Variants in MYH9 observed in about 807,000 individuals in gnomAD.
MYH9 encodes the protein myosin-9.
Under a neutral mutation model 241.9 loss-of-function variants are expected in MYH9, and 29 were observed. The observed-to-expected ratio is 0.12, with a 90% CI of 0.09 to 0.16. The LOEUF (loss-of-function observed/expected upper bound fraction) is 0.16, where lower values mean the gene tolerates loss of function less well. Among genes scored for constraint, MYH9 ranks in the 10% least tolerant of loss-of-function variants. MYH9 has a pLI of 1.00. For synonymous variants in MYH9, 1,047 were observed against 1,062.6 expected (o/e 0.99, Z 0.29); for missense variants, 1,803 against 2,595.5 (o/e 0.69, Z 6.63).
intron 1 of MYH9, among the ~76,000 whole-genome samples, chr22:36,357,397 T>G (rs534591990): frequency 6.6e-6 from 1 of 152,300 alleles, no homozygotes. Flanking sequence ...CACGGCACTA[T>G]GGCTATCTGG....
At chr22:36,309,980 T>C (rs1603483229) in intron 14 of MYH9, among the ~76,000 whole-genome samples, 1 of 152,196 alleles carries the variant, frequency 6.6e-6, no homozygotes, top group East Asian at 1.9e-4. Context: ...CTGGGTGCGG[T>C]GGCTCATGCC....
At chr22:36,373,651 C>T (rs182221755) in intron 1 of MYH9, among the ~76,000 whole-genome samples, 179 of 152,316 alleles carry the variant, frequency 1.2e-3, no homozygotes, top group Non-Finnish European at 1.8e-3. Context: ...CTGCGAGCCC[C>T]CTCCAGGACA....
At position 36,300,798 on chromosome 22, in the gene MYH9, G is replaced by A. The variant is rs547106009; in HGVS notation, c.2838+53C>T. On this transcript the variant is annotated intron_variant, in intron 22 of 40. Coordinates refer to ENST00000216181, the MANE Select transcript of MYH9 (RefSeq NM_002473.6). This position sits in a 1 kb window ranked among gnomAD's most constrained non-coding sequence, Gnocchi z 5.0. ...CCCAGCTCCTGGTTCCTGCTCCTCC[G>A]CCCCGCCCTGCCCCTCCGGCGCCAC... The A allele has an allele frequency of 1.5e-5, 24 of 1,588,566 alleles. No individual in the cohort carries two copies. Among genetic ancestry groups the A allele is most frequent in the Middle Eastern group, 3.6e-4 (2 of 5,544 alleles).
intron 3 of MYH9, 94 bp downstream of exon 3, chr22:36,341,276 A>G: frequency 1.3e-6 from 2 of 1,496,220 alleles, no homozygotes; most frequent in Non-Finnish European, 1.9e-6. Context: ...CACTAGATCA[A>G]TGTGGCACCA....
chr22:36,321,860 T>C (rs558561587), intron 6 of MYH9, 39 bp from the exon 7 acceptor site: 3 of 1,571,576 alleles, frequency 1.9e-6, no homozygotes, highest in African/African-American at 1.3e-5. Flanking sequence ...GAGGTGCCCC[T>C]GACATGGGGA....
intron 1 of MYH9, among the ~76,000 whole-genome samples, chr22:36,352,177 G>A (rs1449689401): frequency 6.6e-6 from 1 of 152,168 alleles, no homozygotes; most frequent in Non-Finnish European, 1.5e-5. Flanking sequence ...GGCCCTAACT[G>A]TCCCCACGAG....
intron 1 of MYH9, among the ~76,000 whole-genome samples, chr22:36,385,323 T>C (rs1417774559): frequency 2.0e-5 from 3 of 152,114 alleles, no homozygotes; most frequent in African/African-American, 7.2e-5. Flanking sequence ...AGTACTTTAT[T>C]GAAGAATTAG....
chr22:36,327,844 C>T (rs773903692), intron 3 of MYH9, among the ~76,000 whole-genome samples: 14 of 152,132 alleles, frequency 9.2e-5, no homozygotes, highest in African/African-American at 2.9e-4. Flanking sequence ...GTGTTTATAA[C>T]GGGGTGGGGG....
intron 32 of MYH9, 61 bp downstream of exon 32, chr22:36,289,024 C>A (rs550761492): frequency 1.9e-6 from 3 of 1,613,134 alleles, no homozygotes; most frequent in Middle Eastern, 1.6e-4. Flanking sequence ...CACACACCGA[C>A]CCTCTGTGAT....
chr22:36,366,672 A>T lies in MYH9; in HGVS notation c.-19-17417T>A, dbSNP rs1462623574. Among the ~76,000 whole-genome samples, 4 of 152,166 alleles carry T rather than the reference A, an allele frequency of 2.6e-5. No homozygotes were observed. The East Asian group carries it at 7.7e-4, about 29-fold the overall frequency. ...CCCACCTTCCTCAGCATCCAAGGTA[A>T]CAAGAGATCAAGTCTGGCATCAGAA... On this transcript the variant is annotated intron_variant, in intron 1 of 40. Coordinates refer to ENST00000216181, the MANE Select transcript of MYH9 (RefSeq NM_002473.6).
chr22:36,337,738 G>C (rs1408730176), intron 3 of MYH9, among the ~76,000 whole-genome samples: 3 of 152,184 alleles, frequency 2.0e-5, no homozygotes, highest in Non-Finnish European at 1.5e-5. Context: ...TCAAAGCCAG[G>C]GGGGCAGCAT....
intron 3 of MYH9, among the ~76,000 whole-genome samples, chr22:36,328,500 G>C (rs563460686): frequency 6.6e-6 from 1 of 152,356 alleles, no homozygotes; most frequent in Admixed American, 6.5e-5. Flanking sequence ...AAATATTTGA[G>C]CTGCAGTGAG....
intron 40 of MYH9, 70 bp from the exon 41 acceptor site, chr22:36,282,855 C>T (rs1213045311): frequency 3.2e-5 from 43 of 1,356,594 alleles, no homozygotes; most frequent in Middle Eastern, 2.3e-4. Flanking sequence ...GCACAGCCCA[C>T]ACATCTCAAA....
intron 3 of MYH9, among the ~76,000 whole-genome samples, chr22:36,338,566 T>A (rs9610493): frequency 0.53 from 79,362 of 150,810 alleles, 23,004 homozygotes; most frequent in Non-Finnish European, 0.65. Context: ...ACACCTATAA[T>A]CCCAGCACTT....
intron 11 of MYH9, 132 bp from the exon 12 acceptor site, chr22:36,316,801 A>G: frequency 1.0e-6 from 1 of 997,304 alleles, no homozygotes; most frequent in East Asian, 2.6e-5. Context: ...GGGGAAAAAA[A>G]AAAATCTTCG....
intron 3 of MYH9, among the ~76,000 whole-genome samples, chr22:36,341,123 A>G (rs1033451336): frequency 3.9e-5 from 6 of 152,192 alleles, no homozygotes; most frequent in Non-Finnish European, 8.8e-5. Context: ...AAGTATGAGA[A>G]ATTGAGAGAA....
rs1261355153 is a variant in MYH9 at position 36,385,160 on chromosome 22, GT to G, written c.-20+2646del. Among the ~76,000 whole-genome samples the G allele has an allele frequency of 3.1e-4, 45 of 145,602 alleles. No individual in the cohort carries two copies. The East Asian group carries it at 5.9e-3, about 19-fold the overall frequency. The stretch of plus-strand genomic sequence containing the variant: ...TTGGGAGGAAGCTGTCAAGGCACGG[GT>G]TTTTTTTTTTCTCTCTCTCTCTTTT... On this transcript the variant is annotated intron_variant, in intron 1 of 40. Coordinates refer to ENST00000216181, the MANE Select transcript of MYH9 (RefSeq NM_002473.6).
chr22:36,379,891 A>G (rs1003015591), intron 1 of MYH9, among the ~76,000 whole-genome samples: 1 of 152,234 alleles, frequency 6.6e-6, no homozygotes, highest in Non-Finnish European at 1.5e-5. Context: ...AGGCTCGAGA[A>G]GCTAATCGTG....
chr22:36,304,002 C>A lies in MYH9; in HGVS notation c.2383G>T (p.Ala795Ser), dbSNP rs374505336. The part of the protein sequence containing the change: ...GFQACCRGYL[A>S]RKAFAKRQQQ... ...GTATCTCCCGGGACTCACTTCCTGG[C>A]CAGGTAGCCCCTGCAGCAGGCCTGG... Residue 795 changes from alanine to serine, a missense_variant, in exon 19 of 41, where the codon GCC becomes TCC. Ala to Ser is a moderately conservative substitution (Grantham distance 99). Transcript: ENST00000216181. The A allele has an allele frequency of 6.2e-7, 1 of 1,613,404 alleles. No homozygotes were observed. The highest frequency in any genetic ancestry group is 1.3e-5 in the African/African-American group (1 of 74,936).
Sources: allele counts gnomAD v4.1 joint callset (sites outside exome capture counted in the v4.1 genomes callset), GRCh38; gene constraint gnomAD v4.1.1; non-coding constraint Gnocchi (gnomAD v3.1); transcripts MANE v1.5; gene names NCBI Gene and HGNC (gene_info 2026-07-23, HGNC 2026-07-21).